Variants in HS1BP3 observed in about 807,000 individuals in gnomAD.
HS1BP3 encodes the protein HCLS1-binding protein 3.
In HS1BP3, 32 loss-of-function variants were observed where a neutral mutation model predicts 33.5. That is an observed-to-expected ratio of 0.95 (90% CI 0.72 to 1.28). The LOEUF is 1.28. Ranked by LOEUF, HS1BP3 falls within the 50% of genes most tolerant of loss-of-function variation. The pLI is 0.00. For missense variants in HS1BP3, 486 were observed against 502.3 expected (o/e 0.97, Z 0.31); for synonymous variants, 187 against 209.2 (o/e 0.89, Z 0.92).
Position 20,611,890 on chromosome 2 carries a change from C to T in HS1BP3, c.178+12006G>A, listed in dbSNP as rs1428117204. ...GCCTCCTCCCGCACCTACAACCACC[C>T]TCCATGGAGAGCAAGCCATCAGCAC... On this transcript the variant is annotated intron_variant, in intron 2 of 3. Transcript: ENST00000415264. This position sits in a 1 kb window ranked among gnomAD's most constrained non-coding sequence, Gnocchi z 4.9. 6.6e-6 allele frequency among the ~76,000 whole-genome samples: 1 copy of T among 152,214 alleles called. No homozygotes were observed. The highest frequency in any genetic ancestry group is 2.4e-5 in the African/African-American group (1 of 41,440).
At chr2:20,564,966 A>C (rs555549691) in intron 5 of HS1BP3, among the ~76,000 whole-genome samples, 1 of 152,216 alleles carries the variant, frequency 6.6e-6, no homozygotes, top group Non-Finnish European at 1.5e-5. Flanking sequence ...ACAAGTAGGC[A>C]TCGTGCTGCA....
At chr2:20,581,490 C>T (rs928019178) in intron 5 of HS1BP3, among the ~76,000 whole-genome samples, 2 of 152,178 alleles carry the variant, frequency 1.3e-5, no homozygotes, top group Non-Finnish European at 2.9e-5. Context: ...GCTGGGATTA[C>T]AGGCGTGCAC....
intron 5 of HS1BP3, among the ~76,000 whole-genome samples, chr2:20,566,608 T>C (rs1693134525): frequency 2.7e-5 from 4 of 150,552 alleles, no homozygotes; most frequent in African/African-American, 1.0e-4. Flanking sequence ...AGGTTTTTTT[T>C]TTTGTTTTTT....
intron 5 of HS1BP3, 143 bp from the exon 6 acceptor site, chr2:20,624,174 C>A (rs1433746511): frequency 5.5e-6 from 6 of 1,083,538 alleles, no homozygotes; most frequent in Non-Finnish European, 7.7e-6. Flanking sequence ...ATAACTGGTG[C>A]TGCTTTGTAA....
At chr2:20,629,381 C>T (rs1446940825) in intron 4 of HS1BP3, among the ~76,000 whole-genome samples, 2 of 152,204 alleles carry the variant, frequency 1.3e-5, no homozygotes, top group Non-Finnish European at 2.9e-5. Flanking sequence ...CTGCAGTGCC[C>T]GCCCTCCAGC....
intron 2 of HS1BP3, among the ~76,000 whole-genome samples, chr2:20,602,391 T>C (rs1694089581): frequency 6.6e-6 from 1 of 152,226 alleles, no homozygotes; most frequent in African/African-American, 2.4e-5. Context: ...AATTTACTTT[T>C]GGTTTCATCG....
intron 5 of HS1BP3, among the ~76,000 whole-genome samples, chr2:20,584,969 G>A (rs562570699): frequency 1.3e-5 from 2 of 152,278 alleles, no homozygotes; most frequent in East Asian, 3.9e-4. Flanking sequence ...GTTTTAACTT[G>A]CTCCCAAGGG....
At position 20,623,952 on chromosome 2, in the gene HS1BP3, C is replaced by T. The variant is rs201106258; in HGVS notation, c.864G>A (p.Glu288=). ...GDSLLLPAAC[E]SGGPTPSLSH... is the part of the protein sequence containing the mutation. ...TGAGGCTGGGTGTGGGCCCTCCACT[C>T]TCACAGGCGGCTGGCAGCAGGAGGG... The change falls in exon 6 of 7, where the codon GAG becomes GAA. Residue 288 remains glutamate, a synonymous_variant. Transcript: ENST00000304031. The T allele has an allele frequency of 3.4e-4, 550 of 1,612,712 alleles. 3 individuals are homozygous for T. The East Asian group carries it at 0.011, about 31-fold the overall frequency.
intron 4 of HS1BP3, among the ~76,000 whole-genome samples, chr2:20,633,261 C>T (rs977046180): frequency 3.9e-5 from 6 of 152,222 alleles, no homozygotes; most frequent in Admixed American, 3.3e-4. Flanking sequence ...AAGGGGCCCT[C>T]GCCTTCTGCA....
At chr2:20,588,676 C>T (rs1387920015), downstream of HS1BP3, among the ~76,000 whole-genome samples, 3 of 152,238 alleles carry the variant, frequency 2.0e-5, no homozygotes, top group Non-Finnish European at 4.4e-5. Flanking sequence ...AGGGTTTCAG[C>T]TCCCTCCTGG....
intron 1 of HS1BP3, among the ~76,000 whole-genome samples, chr2:20,646,779 T>A (rs1422444003): frequency 1.3e-5 from 2 of 152,132 alleles, no homozygotes; most frequent in Non-Finnish European, 2.9e-5. Context: ...AGGAGGAAGG[T>A]GAGGCTGGAT....
chr2:20,642,032 T>C, intron 2 of HS1BP3, among the ~76,000 whole-genome samples: 1 of 152,188 alleles, frequency 6.6e-6, no homozygotes, highest in Non-Finnish European at 1.5e-5. Context: ...GCCTGGCACC[T>C]ACCCTCACTC....
the HS1BP3 span, among the ~76,000 whole-genome samples, chr2:20,554,316 C>T: frequency 1.6e-3 from 250 of 152,286 alleles, 2 homozygotes; most frequent in African/African-American, 4.9e-3. Flanking sequence ...ACTGGTCATG[C>T]GTCTCAATAG....
At chr2:20,603,861 G>T (rs1432156785) in intron 2 of HS1BP3, among the ~76,000 whole-genome samples, 1 of 152,182 alleles carries the variant, frequency 6.6e-6, no homozygotes, top group African/African-American at 2.4e-5. Flanking sequence ...TTCTAACTCC[G>T]GCTCAGCCGC....
chr2:20,596,721 CT>C (rs1693950639), intron 3 of HS1BP3, among the ~76,000 whole-genome samples: 1 of 152,260 alleles, frequency 6.6e-6, no homozygotes, highest in South Asian at 2.1e-4. Context: ...CCTTCTTCCC[CT>C]TTCTGTGCTG....
At chr2:20,643,340 C>T (rs1360619318) in intron 2 of HS1BP3, among the ~76,000 whole-genome samples, 2 of 152,232 alleles carry the variant, frequency 1.3e-5, no homozygotes, top group Admixed American at 6.5e-5. Flanking sequence ...GAAGCCCAAG[C>T]TTCCCAGAAT....
chr2:20,564,954 A>C (rs1693090116), intron 5 of HS1BP3, among the ~76,000 whole-genome samples: 2 of 152,208 alleles, frequency 1.3e-5, no homozygotes, highest in Admixed American at 1.3e-4. Context: ...CCTGCATGGC[A>C]GACAAGTAGG....
At chr2:20,570,322 A>G (rs1490172138) in intron 5 of HS1BP3, among the ~76,000 whole-genome samples, 1 of 152,140 alleles carries the variant, frequency 6.6e-6, no homozygotes, top group Non-Finnish European at 1.5e-5. Flanking sequence ...CCTTCCTTCC[A>G]TTCTCTGGCC....
downstream of HS1BP3, among the ~76,000 whole-genome samples, chr2:20,589,551 C>T (rs758730796): frequency 1.8e-4 from 28 of 152,300 alleles, no homozygotes; most frequent in African/African-American, 5.3e-4. Flanking sequence ...CCCCCATAAG[C>T]GGCAGCTGGT....
Sources: allele counts gnomAD v4.1 joint callset (sites outside exome capture counted in the v4.1 genomes callset), GRCh38; gene constraint gnomAD v4.1.1; non-coding constraint Gnocchi (gnomAD v3.1); transcripts MANE v1.5; gene names NCBI Gene and HGNC (gene_info 2026-07-23, HGNC 2026-07-21).